The following OPCML variants were observed in gnomAD, a reference collection of about 807,000 sequenced individuals.
The protein encoded by OPCML is opioid-binding protein/cell adhesion molecule.
OPCML carries 13 observed loss-of-function variants against 37.8 expected under a neutral mutation model. The observed-to-expected ratio is 0.34, with a 90% CI of 0.22 to 0.55. The LOEUF (loss-of-function observed/expected upper bound fraction) is 0.55. OPCML is among the 20% of genes least tolerant of loss of function. OPCML has a pLI of 0.91. For synonymous variants in OPCML, 176 were observed against 168.8 expected, an observed-to-expected ratio of 1.04 and a Z score of -0.33; for missense variants, 341 against 435.6, an observed-to-expected ratio of 0.78 and a Z score of 1.93.
intron 1 of OPCML, among the ~76,000 whole-genome samples, chr11:133,235,353 C>T (rs774690415): frequency 1.3e-5 from 2 of 152,060 alleles, no homozygotes; most frequent in Non-Finnish European, 2.9e-5. Flanking sequence ...TCCCTCTCTC[C>T]TAAGAGGCAG....
chr11:132,678,591 G>A (rs1942809718), intron 2 of OPCML, among the ~76,000 whole-genome samples: 1 of 152,052 alleles, frequency 6.6e-6, no homozygotes, highest in African/African-American at 2.4e-5. Flanking sequence ...AAGACATGTT[G>A]GTAACTTAAA....
At chr11:133,029,860 A>AC (rs1555079159) in intron 1 of OPCML, among the ~76,000 whole-genome samples, 4 of 1,394 alleles carry the variant, frequency 2.9e-3, no homozygotes, top group Non-Finnish European at 6.1e-3. Flanking sequence ...TGAATCTAAA[A>AC]TTTAAAAAAA....
intron 1 of OPCML, among the ~76,000 whole-genome samples, chr11:132,972,048 C>T (rs959435949): frequency 6.6e-6 from 1 of 152,208 alleles, no homozygotes; most frequent in Admixed American, 6.5e-5. Context: ...ATCCCAGGTA[C>T]TCAGAGACAG....
chr11:133,024,892 C>T, intron 1 of OPCML: 1 of 985,372 alleles, frequency 1.0e-6, no homozygotes, highest in Non-Finnish European at 1.2e-6. Context: ...AAATAGAGTG[C>T]ATAAAGATTA....
chr11:133,522,967 G>T (rs551665537), intron 1 of OPCML, among the ~76,000 whole-genome samples: 3 of 152,264 alleles, frequency 2.0e-5, no homozygotes, highest in South Asian at 4.1e-4. Context: ...TACATGCTTT[G>T]CATCGTGATA....
At position 132,943,294 on chromosome 11, in the gene OPCML, A is replaced by G; in HGVS notation, c.62-284T>C. On this transcript the variant is annotated intron_variant, in intron 1 of 7. Coordinates refer to ENST00000524381, the MANE Select transcript of OPCML (RefSeq NM_001012393.5). The surrounding 1 kb of genome is among the most constrained non-coding windows in gnomAD (Gnocchi z 4.3). ...AGATCCTGCCTCAGCTTTCCAGCCT[A>G]GCAGAACCAGATGCCCCCTCCTGCA... 1.3e-6 allele frequency: 1 copy of G among 753,614 alleles called. No individual in the cohort carries two copies. Among genetic ancestry groups the G allele is most frequent in the South Asian group, 1.9e-5 (1 of 51,316 alleles). The allele number at this position is 753,614 out of a possible 1,614,324, so 46.7% of individuals were successfully genotyped here.
intron 4 of OPCML, among the ~76,000 whole-genome samples, chr11:132,496,979 G>T (rs1423574480): frequency 6.6e-6 from 1 of 152,110 alleles, no homozygotes; most frequent in African/African-American, 2.4e-5. Context: ...TGATGCTGGA[G>T]AAAATATTCA....
At chr11:133,271,521 C>T (rs997115705) in intron 1 of OPCML, among the ~76,000 whole-genome samples, 8 of 152,150 alleles carry the variant, frequency 5.3e-5, no homozygotes, top group African/African-American at 1.9e-4. Context: ...TACTAATTAG[C>T]TTCCATTTAA....
chr11:132,533,921 C>G (rs1398595306), intron 3 of OPCML, among the ~76,000 whole-genome samples: 2 of 152,140 alleles, frequency 1.3e-5, no homozygotes, highest in African/African-American at 4.8e-5. Flanking sequence ...ACTGAGCTAT[C>G]CCATGGACAA....
chr11:133,334,110 A>G (rs1943687208), intron 1 of OPCML, among the ~76,000 whole-genome samples: 3 of 152,224 alleles, frequency 2.0e-5, no homozygotes, highest in Admixed American at 2.0e-4. Flanking sequence ...TAAAAGCAGA[A>G]CTACCATTCA....
intron 1 of OPCML, among the ~76,000 whole-genome samples, chr11:133,033,868 T>C (rs1284703840): frequency 6.6e-6 from 1 of 152,056 alleles, no homozygotes; most frequent in Non-Finnish European, 1.5e-5. Flanking sequence ...GCAGATACGA[T>C]ATCCCCAACT....
At chr11:133,096,524 T>G (rs1340351527) in intron 1 of OPCML, among the ~76,000 whole-genome samples, 1 of 152,032 alleles carries the variant, frequency 6.6e-6, no homozygotes, top group African/African-American at 2.4e-5. Context: ...GAGTACATGT[T>G]AATCCAACTG....
chr11:133,348,852 T>C (rs1944062709), intron 1 of OPCML, among the ~76,000 whole-genome samples: 1 of 152,164 alleles, frequency 6.6e-6, no homozygotes, highest in South Asian at 2.1e-4. Context: ...ATGAGCAGTA[T>C]GTAAAGATCA....
chr11:133,125,621 T>C (rs140901729), intron 1 of OPCML, among the ~76,000 whole-genome samples: 2,040 of 145,492 alleles, frequency 0.014, 31 homozygotes, highest in Non-Finnish European at 0.022. Flanking sequence ...CTATATGTAG[T>C]ATCTAGTATA....
rs554987163 is a variant in OPCML, at chr11:133,420,345, G to C, written c.61+111919C>G. ...AGAAGATCCTTTTTAGATATCCTTT[G>C]CTGTTGCTTTCTTTCTTTAGGTCTC... On this transcript the variant is annotated intron_variant, in intron 1 of 7. Coordinates refer to ENST00000524381, the MANE Select transcript of OPCML (RefSeq NM_001012393.5). 4.1e-6 allele frequency: 4 copies of C among 985,376 alleles called. No individual in the cohort carries two copies. The East Asian group carries it at 4.5e-4, about 112-fold the overall frequency. 61.0% of individuals were successfully genotyped at this position (985,376 alleles called of 1,614,324 possible). A position where few individuals can be genotyped will look rare whatever the true frequency, so the allele number is the denominator to read the frequency against.
Position 133,393,440 on chromosome 11 carries a change from G to A in OPCML, c.61+138824C>T, listed in dbSNP as rs374073451. On this transcript the variant is annotated intron_variant, in intron 1 of 7. Transcript: ENST00000524381. ...GATTATGAGAATCAACTGTACTGTCGGCTTTCACCCCAGAGAATGCCTGGC... is the reference window on the plus strand; with the variant it reads ...GATTATGAGAATCAACTGTACTGTCAGCTTTCACCCCAGAGAATGCCTGGC... Among the ~76,000 whole-genome samples the A allele has an allele frequency of 1.3e-4, 20 of 152,150 alleles. No homozygotes were observed. The East Asian group carries it at 2.1e-3, about 16-fold the overall frequency.
chr11:132,534,415 A>G lies in OPCML; in HGVS notation c.380-5229T>C, dbSNP rs1591518378. ...GTGCTTGCCACATAATATTTAATAG[A>G]TGCTTAATAAAAACTTGTTAAATAA... On this transcript the variant is annotated intron_variant, in intron 3 of 7. Coordinates refer to ENST00000524381, the MANE Select transcript of OPCML (RefSeq NM_001012393.5). 2.0e-5 allele frequency among the ~76,000 whole-genome samples: 3 copies of G among 152,280 alleles called. No individual in the cohort carries two copies. The South Asian group carries it at 6.2e-4, about 32-fold the overall frequency.
At position 133,246,527 on chromosome 11, in the gene OPCML, T is replaced by A. The variant is rs996516832; in HGVS notation, c.61+285737A>T. ...GGCACACCTCAGATTGATGAAACAG[T>A]CTGTGCAGGGGAAGGGAAGGGTGAG... On this transcript the variant is annotated intron_variant, in intron 1 of 7. Transcript: ENST00000524381. Among the ~76,000 whole-genome samples, 3 of 152,144 alleles carry A rather than the reference T, an allele frequency of 2.0e-5. No homozygotes were observed. In the South Asian group the frequency reaches 6.2e-4, roughly 32 times the overall value.
rs186829333 is a variant in OPCML, at chr11:133,092,529, A to C, written c.62-149519T>G. On this transcript the variant is annotated intron_variant, in intron 1 of 7. Coordinates refer to ENST00000524381, the MANE Select transcript of OPCML (RefSeq NM_001012393.5). The stretch of plus-strand genomic sequence containing the variant: ...ATCATGAGGTCAGGAGTTTGAGACC[A>C]GCCTGGCCAATATGGTGAAACCCCT... Among the ~76,000 whole-genome samples, 54 of 152,232 alleles carry C rather than the reference A, an allele frequency of 3.5e-4. 1 individual carries two copies. Among genetic ancestry groups the C allele is most frequent in the African/African-American group, 1.3e-3 (52 of 41,552 alleles).
Sources: gnomAD v4.1 joint callset for allele counts (sites outside exome capture counted in the v4.1 genomes callset) on GRCh38, gnomAD v4.1.1 for gene constraint, Gnocchi (gnomAD v3.1) non-coding constraint, MANE v1.5 for transcripts, NCBI Gene and HGNC (gene_info 2026-07-23, HGNC 2026-07-21) for gene names.